FASTKD3: variants seen among roughly 807,000 people sequenced by gnomAD.
FASTKD3 encodes the protein FAST kinase domain-containing protein 3, mitochondrial.
FASTKD3 carries 47 observed loss-of-function variants against 49.7 expected under a neutral mutation model. The observed-to-expected ratio is 0.95, with a 90% CI of 0.75 to 1.21. The LOEUF (loss-of-function observed/expected upper bound fraction) is 1.21, where lower values mean the gene tolerates loss of function less well. FASTKD3 is among the 50% of genes most tolerant of loss of function. FASTKD3 has a pLI of 0.00. For missense variants in FASTKD3, 748 were observed against 765.7 expected, an observed-to-expected ratio of 0.98 and a Z score of 0.27; for synonymous variants, 284 against 288.6, an observed-to-expected ratio of 0.98 and a Z score of 0.16.
rs1412522236 is a variant in FASTKD3, at chr5:7,866,954, T to TACTCCATG, written c.1122_1129dup (p.Tyr377SerfsTer9). The stretch of plus-strand genomic sequence containing the variant: ...TGAAAGAATCAGTTCTCTACTGCAG[T>TACTCCATG]ACTCCATGACCCTGCAGACAACTTC... On this transcript the variant is annotated frameshift_variant, in exon 2 of 7. Transcript: ENST00000264669. LOFTEE classifies it high-confidence loss of function. The TACTCCATG allele has an allele frequency of 6.2e-7, 1 of 1,614,076 alleles. No individual in the cohort carries two copies. Among genetic ancestry groups the TACTCCATG allele is most frequent in the Non-Finnish European group, 8.5e-7 (1 of 1,180,044 alleles).
chr5:7,865,949 T>C lies in FASTKD3; in HGVS notation c.1473A>G (p.Ala491=). The part of the protein sequence containing the change: ...KESHLDTLSR[A]QLTQLFLASV... Reference sequence around the variant, plus strand: ...AGGCTAAGAAAAGTTGGGTCAGTTGTGCCCGACTCAATGTGTCCAAATGAG... The same window carrying C: ...AGGCTAAGAAAAGTTGGGTCAGTTGCGCCCGACTCAATGTGTCCAAATGAG... Residue 491 remains alanine (A), a synonymous_variant, in exon 3 of 7, where the codon GCA becomes GCG. Coordinates refer to ENST00000264669, the MANE Select transcript of FASTKD3 (RefSeq NM_024091.4). 6.2e-7 allele frequency: 1 copy of C among 1,614,066 alleles called. No homozygotes were observed. The highest frequency in any genetic ancestry group is 1.1e-5 in the South Asian group (1 of 91,078).
intron 3 of FASTKD3, chr5:7,863,263 A>AG (rs1360794167): frequency 3.2e-5 from 13 of 410,944 alleles, no homozygotes; most frequent in African/African-American, 2.5e-4. Context: ...TAAAGAAGGA[A>AG]GGTAAAAAGG....
At position 7,867,502 on chromosome 5, in the gene FASTKD3, A is replaced by G; in HGVS notation, c.582T>C (p.Ser194=). The change falls in exon 2 of 7, where the codon AGT becomes AGC. Residue 194 remains serine (S), a synonymous_variant. Coordinates refer to ENST00000264669, the MANE Select transcript of FASTKD3 (RefSeq NM_024091.4). ...ALILLHVDPQ[S]SLLLNLVAEC... is the part of the protein sequence containing the mutation. ...CTGCCACCAGGTTCAGCAACAGGCT[A>G]CTTTGAGGATCCACATGCAACAGAA... 1.2e-6 allele frequency: 2 copies of G among 1,614,260 alleles called. No individual in the cohort carries two copies. Among genetic ancestry groups the G allele is most frequent in the Non-Finnish European group, 8.5e-7 (1 of 1,180,046 alleles).
chr5:7,866,806 A>T lies in FASTKD3; in HGVS notation c.1278T>A (p.Ser426=), dbSNP rs141358751. ...CGTTTTCCAGCTTTCTAAATAAAGC[A>T]GAGGCATTTGGTGGCAAATAATTGA... ...GKLNYLPPNA[S]ALFRKLENVL... The change falls in exon 2 of 7, where the codon TCT becomes TCA. Residue 426 remains serine, a synonymous_variant. Transcript: ENST00000264669. The T allele has an allele frequency of 7.4e-6, 12 of 1,614,114 alleles. No individual in the cohort carries two copies. The African/African-American group carries it at 1.6e-4, about 22-fold the overall frequency.
chr5:7,859,673 C>T (rs966095332), intron 6 of FASTKD3, 134 bp from the exon 7 acceptor site: 2 of 554,458 alleles, frequency 3.6e-6, no homozygotes, highest in Non-Finnish European at 6.3e-6. Context: ...AATATCCCAA[C>T]CAGCTTCTTC....
At chr5:7,868,301 A>G (rs1406098701) in intron 1 of FASTKD3, 105 bp from the exon 2 acceptor site, 3 of 492,978 alleles carry the variant, frequency 6.1e-6, no homozygotes, top group African/African-American at 5.9e-5. Context: ...ATTGAACAAT[A>G]ACAATCGCTA....
At chr5:7,863,218 C>G (rs548991211) in intron 3 of FASTKD3, 1 of 511,122 alleles carries the variant, frequency 2.0e-6, no homozygotes, top group African/African-American at 2.0e-5. Context: ...TGTGTTTTTA[C>G]AGTAGTCACT....
intron 3 of FASTKD3, among the ~76,000 whole-genome samples, chr5:7,864,900 C>T (rs1746828054): frequency 6.6e-6 from 1 of 151,924 alleles, no homozygotes; most frequent in Admixed American, 6.6e-5. Context: ...ACCAAAAAGG[C>T]TCTAGTATGA....
At chr5:7,862,399 C>G (rs1369956941) in intron 4 of FASTKD3, among the ~76,000 whole-genome samples, 3 of 152,094 alleles carry the variant, frequency 2.0e-5, no homozygotes, top group African/African-American at 7.2e-5. Flanking sequence ...TTTTCTTAAA[C>G]TTTTAATAAT....
chr5:7,862,695 T>C, intron 4 of FASTKD3, 128 bp downstream of exon 4: 1 of 770,140 alleles, frequency 1.3e-6, no homozygotes, highest in South Asian at 1.8e-5. Flanking sequence ...AACCCCAACT[T>C]GCCTTCAGGG....
chr5:7,861,066 A>G (rs2126591735), intron 6 of FASTKD3, 83 bp downstream of exon 6: 3 of 811,476 alleles, frequency 3.7e-6, no homozygotes, highest in Middle Eastern at 2.4e-4. Context: ...TGTGCCTCAG[A>G]TTACTTTTTA....
chr5:7,866,330 ATACAGT>A (rs148503071), intron 2 of FASTKD3, among the ~76,000 whole-genome samples: 73 of 129,336 alleles, frequency 5.6e-4, no homozygotes, highest in Admixed American at 3.7e-3. Context: ...AAAAAAAAAG[ATACAGT>A]TGCTCACTCA....
intron 3 of FASTKD3, 139 bp from the exon 4 acceptor site, chr5:7,863,136 A>C: frequency 2.8e-6 from 2 of 722,792 alleles, no homozygotes; most frequent in Admixed American, 5.3e-5. Context: ...TGGGACAGGC[A>C]TCTCTCTCAA....
chr5:7,861,057 G>T, intron 6 of FASTKD3, 92 bp downstream of exon 6: 2 of 732,418 alleles, frequency 2.7e-6, no homozygotes, highest in Admixed American at 2.4e-5. Flanking sequence ...AAATTTTACT[G>T]TGCCTCAGAT....
chr5:7,867,741 C>T lies in FASTKD3; in HGVS notation c.343G>A (p.Val115Met), dbSNP rs868466752. The change falls in exon 2 of 7, where the codon GTG becomes ATG. Residue 115 changes from valine to methionine, a missense_variant. Val to Met is a conservative substitution (Grantham distance 21). Coordinates refer to ENST00000264669, the MANE Select transcript of FASTKD3 (RefSeq NM_024091.4). ...TCCATCGTGCTTATAAAACTTAGCA[C>T]TTCTTCTGATGAAGTCAAGTTGCTC... ...RLSNLTSSEE[V>M]LSFISTMETL... 3 of 1,614,214 alleles carry T rather than the reference C, an allele frequency of 1.9e-6. No individual in the cohort carries two copies. Among genetic ancestry groups the T allele is most frequent in the African/African-American group, 2.7e-5 (2 of 75,050 alleles).
At position 7,861,650 on chromosome 5, in the gene FASTKD3, C is replaced by A; in HGVS notation, c.1702G>T (p.Val568Phe). 1.6e-5 allele frequency: 26 copies of A among 1,608,406 alleles called. No individual in the cohort carries two copies. The highest frequency in any genetic ancestry group is 2.1e-5 in the Non-Finnish European group (25 of 1,177,018). ...VLTPYCYTID[V>F]EIKLDEEGFV... ...CCTTCTTCATCTAATTTAATTTCAACATCTGGTGAGAGAAGAAAGGAAAAA... is the reference window on the plus strand; with the variant it reads ...CCTTCTTCATCTAATTTAATTTCAAAATCTGGTGAGAGAAGAAAGGAAAAA... Residue 568 changes from valine to phenylalanine, a missense_variant and splice_region_variant, in exon 5 of 7, where the codon GTT becomes TTT. Val to Phe is a conservative substitution (Grantham distance 50, BLOSUM62 -1). Around this residue, in one of 3 missense-constraint regions of FASTKD3, gnomAD observed 178 missense variants for 182.2 expected, o/e 0.98. Coordinates refer to ENST00000264669, the MANE Select transcript of FASTKD3 (RefSeq NM_024091.4).
intron 5 of FASTKD3, 117 bp downstream of exon 5, chr5:7,861,466 G>T: frequency 2.8e-6 from 2 of 717,150 alleles, no homozygotes. Context: ...ATTCTGAAAT[G>T]TAGTATTTTA....
At chr5:7,868,560 C>T (rs1231187627) in intron 1 of FASTKD3, among the ~76,000 whole-genome samples, 1 of 151,870 alleles carries the variant, frequency 6.6e-6, no homozygotes, top group South Asian at 2.1e-4. Flanking sequence ...CAAAATTAGG[C>T]GAGGTTAGAG....
At position 7,862,939 on chromosome 5, in the gene FASTKD3, A is replaced by AG; in HGVS notation, c.1582dup (p.Leu528ProfsTer11). On this transcript the variant is annotated frameshift_variant, in exon 4 of 7. Coordinates refer to ENST00000264669, the MANE Select transcript of FASTKD3 (RefSeq NM_024091.4). LOFTEE classifies it high-confidence loss of function. ...AAGCTGAGAATCCACAGGGGTCTCC[A>AG]GGGAACAGCATGGGGTAAGAAATGA... is the stretch of plus-strand genomic sequence containing the variant. The AG allele has an allele frequency of 1.2e-6, 2 of 1,614,104 alleles. No homozygotes were observed.
Sources: gnomAD v4.1 joint callset for allele counts (sites outside exome capture counted in the v4.1 genomes callset) on GRCh38, gnomAD v4.1.1 for gene constraint, gnomAD v4.1.1 regional missense constraint, MANE v1.5 for transcripts, NCBI Gene and HGNC (gene_info 2026-07-23, HGNC 2026-07-21) for gene names.